Variants in XKR9 observed in about 807,000 individuals in gnomAD.
The protein encoded by XKR9 is XK related 9, also known as XK-related protein 9.
Under a neutral mutation model 32.0 loss-of-function variants are expected in XKR9, and 32 were observed. The ratio of observed to expected loss-of-function variants is 1.00; its 90% confidence interval spans 0.76 to 1.34. The LOEUF (loss-of-function observed/expected upper bound fraction) is 1.34. Ranked by LOEUF, XKR9 falls within the 40% of genes most tolerant of loss-of-function variation. The pLI is 0.00. For synonymous variants in XKR9, 168 were observed against 143.4 expected, an observed-to-expected ratio of 1.17 and a Z score of -1.22; for missense variants, 546 against 429.7, an observed-to-expected ratio of 1.27 and a Z score of -2.39.
intron 4 of XKR9, among the ~76,000 whole-genome samples, chr8:70,731,503 A>G (rs1806665158): frequency 6.6e-6 from 1 of 152,142 alleles, no homozygotes; most frequent in Admixed American, 6.5e-5. Flanking sequence ...ATTTTTCAAG[A>G]TGTTGCCTAA....
the XKR9 span, among the ~76,000 whole-genome samples, chr8:70,945,509 A>G: frequency 1.3e-5 from 2 of 152,206 alleles, no homozygotes; most frequent in Non-Finnish European, 2.9e-5. Context: ...CTAAAAGTGA[A>G]GGCTGAAAAT....
rs535018907 is a variant in XKR9 at position 70,699,678 on chromosome 8, G to A, written c.273-7255G>A. 2.1e-4 allele frequency among the ~76,000 whole-genome samples: 32 copies of A among 152,168 alleles called. No individual in the cohort carries two copies. In the South Asian group the frequency reaches 3.1e-3, roughly 15 times the overall value. ...TACGTGTCTTGGAGTTGCTCTTCTC[G>A]AGGAGTATCTTTGTGGTGTTCTCTG... On this transcript the variant is annotated intron_variant, in intron 3 of 4. Coordinates refer to ENST00000408926, the MANE Select transcript of XKR9 (RefSeq NM_001011720.2).
chr8:70,694,785 C>A (rs914596815), intron 3 of XKR9, among the ~76,000 whole-genome samples: 1 of 152,204 alleles, frequency 6.6e-6, no homozygotes, highest in Non-Finnish European at 1.5e-5. Flanking sequence ...CTGTTCAGCC[C>A]CATAGATTCA....
At chr8:70,928,031 C>G in the XKR9 span, among the ~76,000 whole-genome samples, 1 of 152,130 alleles carries the variant, frequency 6.6e-6, no homozygotes, top group Non-Finnish European at 1.5e-5. Context: ...AGGGCTCAAA[C>G]AAAAATCTAA....
At chr8:70,870,005 T>C in the XKR9 span, among the ~76,000 whole-genome samples, 8 of 152,202 alleles carry the variant, frequency 5.3e-5, no homozygotes, top group African/African-American at 1.7e-4. Flanking sequence ...AGGAATGAGA[T>C]ATATGATATG....
chr8:70,861,194 C>G, the XKR9 span, among the ~76,000 whole-genome samples: 1 of 152,104 alleles, frequency 6.6e-6, no homozygotes, highest in Non-Finnish European at 1.5e-5. Context: ...CAACTCTTCA[C>G]AGAGTTTTTT....
intron 2 of XKR9, among the ~76,000 whole-genome samples, chr8:70,780,030 CT>C (rs1249001126): frequency 4.0e-5 from 6 of 151,870 alleles, no homozygotes; most frequent in Admixed American, 3.9e-4. Context: ...TTCTCTAGTT[CT>C]TTTAATTGTG....
chr8:70,932,929 C>T, the XKR9 span, among the ~76,000 whole-genome samples: 4 of 152,216 alleles, frequency 2.6e-5, no homozygotes, highest in African/African-American at 7.2e-5. Flanking sequence ...AGGCTGTGAA[C>T]GGACCCTAGC....
At chr8:70,687,763 GT>G (rs1413025327) in intron 3 of XKR9, among the ~76,000 whole-genome samples, 1 of 152,138 alleles carries the variant, frequency 6.6e-6, no homozygotes, top group Non-Finnish European at 1.5e-5. Flanking sequence ...GTCTTTTGTA[GT>G]TATTTTAATG....
At chr8:70,888,165 G>C in the XKR9 span, among the ~76,000 whole-genome samples, 1 of 151,772 alleles carries the variant, frequency 6.6e-6, no homozygotes, top group Non-Finnish European at 1.5e-5. Context: ...CTATCTAGCT[G>C]TACTTTTGAA....
At chr8:70,923,488 T>A in the XKR9 span, among the ~76,000 whole-genome samples, 6 of 152,252 alleles carry the variant, frequency 3.9e-5, no homozygotes, top group Admixed American at 2.6e-4. Flanking sequence ...CACTGTGAAG[T>A]TGATGAAGCT....
At chr8:71,037,213 A>G in the XKR9 span, among the ~76,000 whole-genome samples, 401 of 152,330 alleles carry the variant, frequency 2.6e-3, 1 homozygote, top group Admixed American at 4.6e-3. Flanking sequence ...ATGACATGCT[A>G]TATCAGATCT....
At chr8:70,815,092 CACAA>C in the XKR9 span, among the ~76,000 whole-genome samples, 1 of 152,154 alleles carries the variant, frequency 6.6e-6, no homozygotes, top group African/African-American at 2.4e-5. Flanking sequence ...TTGTAGATGA[CACAA>C]ACAAATGGAA....
chr8:70,806,183 C>A, the XKR9 span, among the ~76,000 whole-genome samples: 1 of 152,128 alleles, frequency 6.6e-6, no homozygotes, highest in African/African-American at 2.4e-5. Context: ...GGGACCTGAC[C>A]ATTGAAAGAA....
chr8:70,853,209 T>A, the XKR9 span, among the ~76,000 whole-genome samples: 3 of 151,856 alleles, frequency 2.0e-5, no homozygotes, highest in African/African-American at 4.8e-5. Flanking sequence ...ACGACTGAAC[T>A]CATCAAGATA....
In XKR9 at chr8:70,734,079, G is replaced by A; in HGVS notation, c.777G>A (p.Met259Ile). ...CCCAGTTTTGTACTTGTATAAGTAT[G>A]GAATTCTTATATAGGATTGTTGTTG... Reference protein sequence around the residue: ...NNTQFCTCISMEFLYRIVVGF... With the variant: ...NNTQFCTCISIEFLYRIVVGF... Residue 259 changes from methionine (M) to isoleucine (I), a missense_variant, in exon 5 of 5, where the codon ATG becomes ATA. Transcript: ENST00000408926. 2 of 1,610,956 alleles carry A rather than the reference G, an allele frequency of 1.2e-6. No individual in the cohort carries two copies. Among genetic ancestry groups the A allele is most frequent in the Non-Finnish European group, 1.7e-6 (2 of 1,177,494 alleles).
the XKR9 span, among the ~76,000 whole-genome samples, chr8:70,863,215 AG>A: frequency 1.3e-5 from 2 of 152,194 alleles, no homozygotes; most frequent in Non-Finnish European, 2.9e-5. Context: ...AAGAAGAAGA[AG>A]GAGCAGCGGA....
At chr8:71,039,416 T>C in the XKR9 span, among the ~76,000 whole-genome samples, 1 of 152,310 alleles carries the variant, frequency 6.6e-6, no homozygotes, top group South Asian at 2.1e-4. Flanking sequence ...TATAATAAAG[T>C]GTTGCATATC....
the XKR9 span, among the ~76,000 whole-genome samples, chr8:70,899,097 T>G: frequency 6.6e-6 from 1 of 152,138 alleles, no homozygotes; most frequent in Admixed American, 6.6e-5. Context: ...ATTTTATTTT[T>G]GTAGTGATGG....
Sources: allele counts gnomAD v4.1 joint callset (sites outside exome capture counted in the v4.1 genomes callset), GRCh38; gene constraint gnomAD v4.1.1; transcripts MANE v1.5; gene names NCBI Gene and HGNC (gene_info 2026-07-23, HGNC 2026-07-21).